SLCO3A1: variants seen among roughly 807,000 people sequenced by gnomAD.
SLCO3A1 encodes solute carrier organic anion transporter family member 3A1.
In SLCO3A1, 27 loss-of-function variants were observed where a neutral mutation model predicts 63.1. The observed-to-expected ratio is 0.43, with a 90% CI of 0.32 to 0.59. The LOEUF (loss-of-function observed/expected upper bound fraction) is 0.59. Among genes scored for constraint, SLCO3A1 ranks in the 20% least tolerant of loss-of-function variants. The probability of loss-of-function intolerance (pLI) is 0.09; values close to 1 mark genes in which losing one functional copy is unlikely to be tolerated. For synonymous variants in SLCO3A1, 473 were observed against 409.9 expected (o/e 1.15, Z -1.86); for missense variants, 773 against 945.8 (o/e 0.82, Z 2.40).
chr15:91,988,232 GTC>G (rs1267767028), intron 2 of SLCO3A1, among the ~76,000 whole-genome samples: 1 of 151,928 alleles, frequency 6.6e-6, no homozygotes, highest in Non-Finnish European at 1.5e-5. Context: ...GCGAAACCTC[GTC>G]TCTACAAAAA....
intron 2 of SLCO3A1, among the ~76,000 whole-genome samples, chr15:92,008,020 G>A (rs1490705061): frequency 6.6e-6 from 1 of 152,146 alleles, no homozygotes; most frequent in African/African-American, 2.4e-5. Context: ...GTCCAGAAAG[G>A]TTGCCTTTTC....
intron 2 of SLCO3A1, among the ~76,000 whole-genome samples, chr15:91,962,068 A>G (rs1323261023): frequency 1.3e-5 from 2 of 152,230 alleles, no homozygotes; most frequent in African/African-American, 4.8e-5. Flanking sequence ...TGATGCAGCC[A>G]TCTCAGGCTC....
chr15:91,868,391 T>A (rs1423672372), intron 1 of SLCO3A1, among the ~76,000 whole-genome samples: 1 of 150,024 alleles, frequency 6.7e-6, no homozygotes, highest in Non-Finnish European at 1.5e-5. Context: ...AAGACTTTAC[T>A]GTTTTACTTA....
chr15:91,941,470 A>G lies in SLCO3A1; in HGVS notation c.646+25012A>G. 1 of 451,494 alleles carries G rather than the reference A, an allele frequency of 2.2e-6. No individual in the cohort carries two copies. Among genetic ancestry groups the G allele is most frequent in the Non-Finnish European group, 4.4e-6 (1 of 225,190 alleles). The allele number at this position is 451,494 out of a possible 1,614,324, so 28.0% of individuals were successfully genotyped here. ...CTGGTTCCTTTGGCCTTAGGGAAGGACAAACTTCAACTCTGAGCCTTGATT... is the reference window on the plus strand; with the variant it reads ...CTGGTTCCTTTGGCCTTAGGGAAGGGCAAACTTCAACTCTGAGCCTTGATT... On this transcript the variant is annotated intron_variant, in intron 2 of 9. Transcript: ENST00000318445. The surrounding 1 kb of genome is among the most constrained non-coding windows in gnomAD (Gnocchi z 4.4).
intron 2 of SLCO3A1, among the ~76,000 whole-genome samples, chr15:92,026,627 A>G (rs1442055200): frequency 6.6e-6 from 1 of 152,234 alleles, no homozygotes; most frequent in Non-Finnish European, 1.5e-5. Context: ...GTGAGTTCAT[A>G]GGTCTGTAAC....
rs1202665562 is a variant in SLCO3A1, at chr15:91,880,131, GTCCATCCA to G, written c.180+26078_180+26085del. ...CGTCCGTCCGTCCGTCCGTCCGTCC[GTCCATCCA>G]TCCATCCATCCATCCATCCATCCAT... On this transcript the variant is annotated intron_variant, in intron 1 of 9. Transcript: ENST00000318445. 3.9e-3 allele frequency among the ~76,000 whole-genome samples: 505 copies of G among 130,436 alleles called. 4 individuals are homozygous for G. Among genetic ancestry groups the G allele is most frequent in the African/African-American group, 0.016 (468 of 29,392 alleles). 85.6% of individuals were successfully genotyped at this position (130,436 alleles called of 152,430 possible).
intron 7 of SLCO3A1, 146 bp from the exon 8 acceptor site, chr15:92,146,838 A>G: frequency 1.5e-6 from 1 of 669,570 alleles, no homozygotes; most frequent in Non-Finnish European, 2.5e-6. Flanking sequence ...CTCCTTAAAA[A>G]AGCTAACTAA....
chr15:92,154,749 C>CCCCAGCA (rs964823929), intron 9 of SLCO3A1, among the ~76,000 whole-genome samples: 44 of 151,744 alleles, frequency 2.9e-4, no homozygotes, highest in African/African-American at 1.0e-3. Flanking sequence ...CTGGGAGTGG[C>CCCCAGCA]CCCAGCACCC....
At chr15:91,904,539 C>T (rs1252094835) in intron 1 of SLCO3A1, among the ~76,000 whole-genome samples, 1 of 152,182 alleles carries the variant, frequency 6.6e-6, no homozygotes, top group African/African-American at 2.4e-5. Flanking sequence ...TGTGATCAGT[C>T]ACTCTGTATC....
At chr15:91,993,406 A>G (rs1449335054) in intron 2 of SLCO3A1, among the ~76,000 whole-genome samples, 1 of 152,228 alleles carries the variant, frequency 6.6e-6, no homozygotes, top group Non-Finnish European at 1.5e-5. Context: ...TTATAGAGAT[A>G]ATGACTTAGA....
At chr15:92,130,200 T>C (rs2047975777) in intron 7 of SLCO3A1, among the ~76,000 whole-genome samples, 1 of 152,266 alleles carries the variant, frequency 6.6e-6, no homozygotes, top group African/African-American at 2.4e-5. Flanking sequence ...ATCTTGCATG[T>C]ACAGGAGTCT....
intron 1 of SLCO3A1, among the ~76,000 whole-genome samples, chr15:91,876,816 T>C (rs1301933675): frequency 1.3e-5 from 2 of 152,376 alleles, no homozygotes; most frequent in East Asian, 3.9e-4. Context: ...TCTTCTCTGC[T>C]GTCCAGCATG....
chr15:91,978,247 C>T (rs565267043), intron 2 of SLCO3A1, among the ~76,000 whole-genome samples: 80 of 152,314 alleles, frequency 5.3e-4, no homozygotes, highest in African/African-American at 1.9e-3. Flanking sequence ...GGTACCCTCC[C>T]TTCTCACTGC....
chr15:92,032,611 T>A, intron 2 of SLCO3A1, among the ~76,000 whole-genome samples: 2 of 152,098 alleles, frequency 1.3e-5, no homozygotes, highest in East Asian at 3.9e-4. Flanking sequence ...CTTTGGGTAG[T>A]GGAGGTGCTC....
At chr15:92,077,733 A>G (rs901038291) in intron 2 of SLCO3A1, among the ~76,000 whole-genome samples, 3 of 152,230 alleles carry the variant, frequency 2.0e-5, no homozygotes, top group Non-Finnish European at 1.5e-5. Flanking sequence ...TCCCAGAGCC[A>G]GCAGGGATAT....
At chr15:92,129,610 C>T (rs1390195647) in intron 7 of SLCO3A1, among the ~76,000 whole-genome samples, 3 of 152,124 alleles carry the variant, frequency 2.0e-5, no homozygotes, top group African/African-American at 7.2e-5. Context: ...GGGCCAGCAC[C>T]CAGAAGTACT....
intron 2 of SLCO3A1, among the ~76,000 whole-genome samples, chr15:92,010,874 C>T (rs937185261): frequency 6.6e-6 from 1 of 152,150 alleles, no homozygotes; most frequent in Admixed American, 6.5e-5. Flanking sequence ...GCTGGGATTC[C>T]CCCTACTCCT....
chr15:92,076,559 G>T (rs1055573554), intron 2 of SLCO3A1, among the ~76,000 whole-genome samples: 1 of 152,150 alleles, frequency 6.6e-6, no homozygotes, highest in Non-Finnish European at 1.5e-5. Flanking sequence ...GATAGACAGT[G>T]CCCCAGGGAC....
chr15:91,955,238 A>G (rs1417804123), intron 2 of SLCO3A1, among the ~76,000 whole-genome samples: 1 of 152,116 alleles, frequency 6.6e-6, no homozygotes, highest in Non-Finnish European at 1.5e-5. Flanking sequence ...CATAGCCAAG[A>G]TGTGGTAGGG....
Sources: gnomAD v4.1 joint callset for allele counts (sites outside exome capture counted in the v4.1 genomes callset) on GRCh38, gnomAD v4.1.1 for gene constraint, Gnocchi (gnomAD v3.1) non-coding constraint, MANE v1.5 for transcripts, NCBI Gene and HGNC (gene_info 2026-07-23, HGNC 2026-07-21) for gene names.